The following WWTR1 variants were observed in gnomAD, a reference collection of about 807,000 sequenced individuals.
WWTR1 encodes WW domain containing transcription regulator 1, also known as WW domain-containing transcription regulator protein 1.
Under a neutral mutation model 40.1 loss-of-function variants are expected in WWTR1, and 13 were observed. That is an observed-to-expected ratio of 0.32 (90% CI 0.21 to 0.52). The LOEUF (loss-of-function observed/expected upper bound fraction) is 0.52. Among genes scored for constraint, WWTR1 ranks in the 20% least tolerant of loss-of-function variants. The pLI is 0.97. For synonymous variants in WWTR1, 230 were observed against 210.1 expected, an observed-to-expected ratio of 1.09 and a Z score of -0.82; for missense variants, 436 against 523.1, an observed-to-expected ratio of 0.83 and a Z score of 1.63.
At chr3:149,631,623 C>T in intron 2 of WWTR1, among the ~76,000 whole-genome samples, 1 of 152,172 alleles carries the variant, frequency 6.6e-6, no homozygotes, top group East Asian at 1.9e-4. Context: ...TCCTCCTTGC[C>T]TATCCCACAA....
intron 4 of WWTR1, among the ~76,000 whole-genome samples, chr3:149,533,770 A>G (rs1401362869): frequency 6.6e-6 from 1 of 152,158 alleles, no homozygotes; most frequent in African/African-American, 2.4e-5. Flanking sequence ...GAAAAAAAAA[A>G]GGTGGTTTAT....
chr3:149,606,451 G>C (rs184261921), intron 2 of WWTR1, among the ~76,000 whole-genome samples: 59 of 152,128 alleles, frequency 3.9e-4, no homozygotes, highest in Non-Finnish European at 7.8e-4. Context: ...ACCAAATCTA[G>C]TCAGTAAACA....
chr3:149,543,580 C>CAAAAAAAAAAAAAAA (rs755442408), intron 3 of WWTR1, among the ~76,000 whole-genome samples: 350 of 31,204 alleles, frequency 0.011, 66 homozygotes, highest in Middle Eastern at 0.038. Flanking sequence ...GACTCTGTCT[C>CAAAAAAAAAAAAAAA]AAAAAAAAAA....
At chr3:149,646,920 C>A (rs1474406632) in intron 2 of WWTR1, among the ~76,000 whole-genome samples, 1 of 152,000 alleles carries the variant, frequency 6.6e-6, no homozygotes, top group Non-Finnish European at 1.5e-5. Context: ...AATTAAATGT[C>A]CATCAGTAGG....
chr3:149,584,474 C>T (rs533708960), intron 2 of WWTR1, among the ~76,000 whole-genome samples: 96 of 152,232 alleles, frequency 6.3e-4, no homozygotes, highest in African/African-American at 2.3e-3. Flanking sequence ...GCATGAACCC[C>T]GGCATCTCAA....
At chr3:149,665,024 T>C (rs1168440255) in intron 2 of WWTR1, among the ~76,000 whole-genome samples, 2 of 152,160 alleles carry the variant, frequency 1.3e-5, no homozygotes, top group Non-Finnish European at 2.9e-5. Flanking sequence ...ATTTTTGCTA[T>C]CATTTTGGGG....
At chr3:149,613,577 A>T (rs896020895) in intron 2 of WWTR1, among the ~76,000 whole-genome samples, 22 of 151,930 alleles carry the variant, frequency 1.4e-4, no homozygotes, top group African/African-American at 4.8e-4. Context: ...GCAGGGTCTC[A>T]CTCTGTTGCC....
chr3:149,536,230 T>C (rs184679867), intron 4 of WWTR1, among the ~76,000 whole-genome samples: 222 of 152,274 alleles, frequency 1.5e-3, no homozygotes, highest in Middle Eastern at 3.4e-3. Flanking sequence ...AACAAATATA[T>C]GAACGAATGA....
intron 3 of WWTR1, among the ~76,000 whole-genome samples, chr3:149,567,533 G>A (rs1471400232): frequency 6.6e-6 from 1 of 152,184 alleles, no homozygotes; most frequent in Non-Finnish European, 1.5e-5. Context: ...ATAAGTTGCA[G>A]TAACCATGGT....
chr3:149,567,905 C>T (rs959882487), intron 3 of WWTR1, among the ~76,000 whole-genome samples: 4 of 152,188 alleles, frequency 2.6e-5, no homozygotes, highest in South Asian at 2.1e-4. Context: ...ATGCCCACTT[C>T]GCCACCACTC....
At chr3:149,568,385 G>A (rs1231383290) in intron 3 of WWTR1, among the ~76,000 whole-genome samples, 1 of 151,588 alleles carries the variant, frequency 6.6e-6, no homozygotes, top group African/African-American at 2.4e-5. Flanking sequence ...TATTGCATAT[G>A]TCTGGGAATT....
At chr3:149,682,521 A>AC (rs1714492000) in intron 1 of WWTR1, among the ~76,000 whole-genome samples, 1 of 151,838 alleles carries the variant, frequency 6.6e-6, no homozygotes, top group Admixed American at 6.6e-5. Flanking sequence ...GAATGAACAA[A>AC]CCTCTCTGGT....
At chr3:149,639,993 C>CAAA (rs1215330406) in intron 2 of WWTR1, among the ~76,000 whole-genome samples, 29 of 76,166 alleles carry the variant, frequency 3.8e-4, no homozygotes, top group African/African-American at 6.0e-4. Context: ...GACTCCGTCT[C>CAAA]AAAAAAAAAA....
chr3:149,643,731 G>A lies in WWTR1; in HGVS notation c.431+13145C>T, dbSNP rs1397403254. Among the ~76,000 whole-genome samples, 7 of 152,154 alleles carry A rather than the reference G, an allele frequency of 4.6e-5. No homozygotes were observed. In the South Asian group the frequency reaches 1.5e-3, roughly 32 times the overall value. ...GAATTAGTACCTCAGGCCCTGTTAT[G>A]ACCTATCCTGGGAAAGAAAGTGTCC... On this transcript the variant is annotated intron_variant, in intron 2 of 6. Coordinates refer to ENST00000360632, the MANE Select transcript of WWTR1 (RefSeq NM_015472.6).
intron 2 of WWTR1, among the ~76,000 whole-genome samples, chr3:149,575,844 A>G (rs1407881954): frequency 6.6e-6 from 1 of 152,102 alleles, no homozygotes; most frequent in African/African-American, 2.4e-5. Context: ...ATCCCCTGGG[A>G]CAGAGTGTGG....
chr3:149,667,832 T>C (rs1433170676), intron 2 of WWTR1, among the ~76,000 whole-genome samples: 1 of 152,212 alleles, frequency 6.6e-6, no homozygotes, highest in Non-Finnish European at 1.5e-5. Flanking sequence ...GTTCATTCTG[T>C]ATATTTCCTC....
intron 1 of WWTR1, among the ~76,000 whole-genome samples, chr3:149,696,692 A>C (rs572809377): frequency 6.6e-6 from 1 of 152,172 alleles, no homozygotes; most frequent in Admixed American, 6.5e-5. Flanking sequence ...ATTGACCTTG[A>C]CTCAGGCTGC....
At chr3:149,613,314 G>T (rs1301380665) in intron 2 of WWTR1, among the ~76,000 whole-genome samples, 1 of 152,118 alleles carries the variant, frequency 6.6e-6, no homozygotes, top group Non-Finnish European at 1.5e-5. Flanking sequence ...CTCTCTCTTG[G>T]CCTAATGAGA....
At chr3:149,698,319 G>T (rs74454568) in intron 1 of WWTR1, among the ~76,000 whole-genome samples, 3,198 of 152,232 alleles carry the variant, frequency 0.021, 69 homozygotes, top group South Asian at 0.093. Flanking sequence ...GTTTTCTAAG[G>T]GGCTTCCTCC....
Sources: allele counts gnomAD v4.1 joint callset (sites outside exome capture counted in the v4.1 genomes callset), GRCh38; gene constraint gnomAD v4.1.1; transcripts MANE v1.5; gene names NCBI Gene and HGNC (gene_info 2026-07-23, HGNC 2026-07-21).